The following TNIP3 variants were observed in gnomAD, a reference collection of about 807,000 sequenced individuals.
TNIP3 encodes the protein TNFAIP3-interacting protein 3.
A neutral mutation model predicts 54.1 loss-of-function variants in TNIP3; 34 were observed. The ratio of observed to expected loss-of-function variants is 0.63; its 90% CI spans 0.48 to 0.84. The LOEUF (loss-of-function observed/expected upper bound fraction) is 0.84. TNIP3 is among the 40% of genes least tolerant of loss of function. The probability of loss-of-function intolerance (pLI) is 0.00; values close to 1 mark genes in which losing one functional copy is unlikely to be tolerated. For synonymous variants in TNIP3, 134 were observed against 136.8 expected (o/e 0.98, Z 0.14); for missense variants, 366 against 387.6 (o/e 0.94, Z 0.47).
intron 2 of TNIP3, among the ~76,000 whole-genome samples, chr4:121,194,644 ATAATATT>A (rs1016857973): frequency 3.9e-5 from 6 of 152,326 alleles, no homozygotes; most frequent in African/African-American, 1.4e-4. Context: ...TACTCCCATC[ATAATATT>A]TAAAGTTCAA....
intron 7 of TNIP3, among the ~76,000 whole-genome samples, chr4:121,144,082 G>T (rs1178082668): frequency 6.6e-6 from 1 of 152,212 alleles, no homozygotes; most frequent in Non-Finnish European, 1.5e-5. Flanking sequence ...ATTTGGGGAT[G>T]ACAAATGCAT....
intron 10 of TNIP3, among the ~76,000 whole-genome samples, chr4:121,135,380 ACTT>A (rs768652129): frequency 2.0e-4 from 30 of 152,032 alleles, no homozygotes; most frequent in East Asian, 3.9e-4. Flanking sequence ...GCATGAAGTT[ACTT>A]CTTCTTCTTT....
rs116663383 is a variant in TNIP3, at chr4:121,215,874, C to T, written c.68+541G>A. On this transcript the variant is annotated intron_variant, in intron 2 of 12. Coordinates refer to the TNIP3 transcript ENST00000507879. ...CACAATATCTTGCATGTATTAGGTG[C>T]CACATTAAAAAAAAAAAAAAAGAAA... Among the ~76,000 whole-genome samples the T allele has an allele frequency of 5.8e-3, 824 of 142,232 alleles. 10 individuals carry two copies. The highest frequency in any genetic ancestry group is 0.021 in the African/African-American group (788 of 37,208). The allele number at this position is 142,232 out of a possible 152,430, so 93.3% of individuals were successfully genotyped here. A position where few individuals can be genotyped will look rare whatever the true frequency, so the allele number is the denominator to read the frequency against.
intron 4 of TNIP3, among the ~76,000 whole-genome samples, chr4:121,155,641 G>GA (rs1730038744): frequency 6.6e-6 from 1 of 152,132 alleles, no homozygotes; most frequent in Non-Finnish European, 1.5e-5. Flanking sequence ...ACAGGCTCTG[G>GA]ATTCAGACAA....
Position 121,161,190 on chromosome 4 carries a change from G to A in TNIP3, c.93C>T (p.Asn31=), listed in dbSNP as rs532518918. ...KECAEPSTRK[N]LMNSLEQKIR... ...TCTTTTGTTCAAGAGAATTCATCAA[G>A]TTCTTTCTTGTTGATGGTTCAGCAC... Residue 31 remains asparagine (N), a synonymous_variant, in exon 2 of 11, where the codon AAC becomes AAT. Transcript: ENST00000057513. 23 of 1,584,734 alleles carry A rather than the reference G, an allele frequency of 1.5e-5. No individual in the cohort carries two copies. The African/African-American group carries it at 2.6e-4, about 18-fold the overall frequency.
chr4:121,216,349 AG>A, intron 2 of TNIP3: 1 of 1,343,962 alleles, frequency 7.4e-7, no homozygotes, highest in Non-Finnish European at 1.0e-6. Flanking sequence ...ATTGCCACAA[AG>A]CAGAAGTGCT....
upstream of TNIP3, among the ~76,000 whole-genome samples, chr4:121,219,984 T>C (rs1411589654): frequency 2.6e-5 from 4 of 152,168 alleles, no homozygotes; most frequent in Non-Finnish European, 5.9e-5. Context: ...TAGGATAAAA[T>C]GTCCTCATCA....
chr4:121,218,902 TA>T (rs1185430142), upstream of TNIP3, among the ~76,000 whole-genome samples: 4 of 152,012 alleles, frequency 2.6e-5, no homozygotes. Flanking sequence ...GATTTACAAT[TA>T]AAAACCACAG....
chr4:121,203,216 T>TATAG (rs148903658), intron 2 of TNIP3, among the ~76,000 whole-genome samples: 65,894 of 146,898 alleles, frequency 0.45, 14,809 homozygotes, highest in East Asian at 0.56. Context: ...GAAAATGTGA[T>TATAG]ATAGATAGAT....
chr4:121,157,388 A>T, intron 3 of TNIP3, 145 bp from the exon 4 acceptor site: 2 of 996,322 alleles, frequency 2.0e-6, no homozygotes, highest in Non-Finnish European at 3.0e-6. Context: ...ACCGTCCCGA[A>T]CACAGATCGG....
upstream of TNIP3, among the ~76,000 whole-genome samples, chr4:121,167,498 G>A (rs1159323349): frequency 6.6e-6 from 1 of 152,030 alleles, no homozygotes; most frequent in Non-Finnish European, 1.5e-5. Flanking sequence ...AACACAACTG[G>A]GCAAGCCTAG....
chr4:121,159,055 C>A (rs1243627720), intron 2 of TNIP3, among the ~76,000 whole-genome samples: 1 of 152,154 alleles, frequency 6.6e-6, no homozygotes, highest in Non-Finnish European at 1.5e-5. Flanking sequence ...CCAGCCTGCC[C>A]AACATGGTGA....
At chr4:121,212,643 A>T (rs1472674875) in intron 2 of TNIP3, among the ~76,000 whole-genome samples, 1 of 152,204 alleles carries the variant, frequency 6.6e-6, no homozygotes, top group Admixed American at 6.5e-5. Flanking sequence ...AAATACTTTT[A>T]TTTAGCTCTT....
At chr4:121,147,559 T>G (rs1729504165) in intron 6 of TNIP3, among the ~76,000 whole-genome samples, 1 of 152,222 alleles carries the variant, frequency 6.6e-6, no homozygotes, top group Admixed American at 6.5e-5. Context: ...ATGTATCTCA[T>G]AAATAATAGT....
At chr4:121,146,648 A>C (rs1243491489) in intron 7 of TNIP3, among the ~76,000 whole-genome samples, 9 of 152,226 alleles carry the variant, frequency 5.9e-5, no homozygotes, top group Admixed American at 5.9e-4. Flanking sequence ...AATGGCATTT[A>C]GAAATACGTA....
At chr4:121,214,103 G>T (rs557065464) in intron 2 of TNIP3, among the ~76,000 whole-genome samples, 1 of 152,282 alleles carries the variant, frequency 6.6e-6, no homozygotes, top group South Asian at 2.1e-4. Flanking sequence ...GTGATAGAGG[G>T]AAAGATGACT....
At position 121,153,496 on chromosome 4, in the gene TNIP3, G is replaced by A. The variant is rs568333800; in HGVS notation, c.492+1055C>T. Among the ~76,000 whole-genome samples the A allele has an allele frequency of 1.4e-3, 215 of 152,282 alleles. 1 individual carries two copies. Among genetic ancestry groups the A allele is most frequent in the African/African-American group, 4.8e-3 (201 of 41,560 alleles). ...CAACATTTTCTGGAAAAGAAAAAAA[G>A]GGAAAAGATAGATTTTGCCCCGCAT... On this transcript the variant is annotated intron_variant, in intron 5 of 10. Transcript: ENST00000057513.
At position 121,191,774 on chromosome 4, in the gene TNIP3, A is replaced by G. The variant is rs565534907; in HGVS notation, c.69-8978T>C. On this transcript the variant is annotated intron_variant, in intron 2 of 12. Coordinates refer to the TNIP3 transcript ENST00000507879. ...GATTATTATCATATGACAAAACACT[A>G]CTATCTTAAAATTATTCTCTCAACT... Among the ~76,000 whole-genome samples, 440 of 152,306 alleles carry G rather than the reference A, an allele frequency of 2.9e-3. 1 individual carries two copies. Among genetic ancestry groups the G allele is most frequent in the Non-Finnish European group, 3.5e-3 (240 of 68,026 alleles).
chr4:121,203,884 G>C (rs1190179410), intron 2 of TNIP3, among the ~76,000 whole-genome samples: 1 of 149,230 alleles, frequency 6.7e-6, no homozygotes, highest in Admixed American at 6.7e-5. Flanking sequence ...AATATAAGTA[G>C]AGTATATATA....
Sources: gnomAD v4.1 joint callset for allele counts (sites outside exome capture counted in the v4.1 genomes callset) on GRCh38, gnomAD v4.1.1 for gene constraint, MANE v1.5 for transcripts, NCBI Gene and HGNC (gene_info 2026-07-23, HGNC 2026-07-21) for gene names.